ARHGEF28: variants seen among roughly 807,000 people sequenced by gnomAD.
ARHGEF28 encodes 190 kDa guanine nucleotide exchange factor.
ARHGEF28 carries 152 observed loss-of-function variants against 206.6 expected under a neutral mutation model. The observed-to-expected ratio is 0.74, with a 90% CI of 0.64 to 0.84. ARHGEF28 has a LOEUF of 0.84. Among genes scored for constraint, ARHGEF28 ranks in the 40% least tolerant of loss-of-function variants. The probability of loss-of-function intolerance (pLI) is 0.00; values close to 1 mark genes in which losing one functional copy is unlikely to be tolerated. For synonymous variants in ARHGEF28, 763 were observed against 776.4 expected, an observed-to-expected ratio of 0.98 and a Z score of 0.29; for missense variants, 2,028 against 2,073.2, an observed-to-expected ratio of 0.98 and a Z score of 0.42.
intron 4 of ARHGEF28, among the ~76,000 whole-genome samples, chr5:73,772,928 A>G (rs2112445473): frequency 6.6e-6 from 1 of 152,340 alleles, no homozygotes; most frequent in Non-Finnish European, 1.5e-5. Context: ...TGGAATAGTA[A>G]GATAGCGTTA....
At chr5:73,866,673 C>A (rs971254709) in intron 18 of ARHGEF28, among the ~76,000 whole-genome samples, 2 of 152,136 alleles carry the variant, frequency 1.3e-5, no homozygotes, top group African/African-American at 4.8e-5. Context: ...GTGTATATTG[C>A]TGAAATTTAA....
intron 9 of ARHGEF28, among the ~76,000 whole-genome samples, chr5:73,797,267 A>T (rs1307533212): frequency 7.7e-6 from 1 of 129,756 alleles, no homozygotes; most frequent in Non-Finnish European, 1.6e-5. Context: ...AGGAAATTAT[A>T]ACAGATTTTC....
rs777119849 is a variant in ARHGEF28, at chr5:73,885,831, G to C, written c.3056-19G>C. 6.3e-7 allele frequency: 1 copy of C among 1,589,552 alleles called. No individual in the cohort carries two copies. Among genetic ancestry groups the C allele is most frequent in the Non-Finnish European group, 8.5e-7 (1 of 1,171,346 alleles). The stretch of plus-strand genomic sequence containing the variant: ...TATTGTATAGTATTTTTGTTTGTTT[G>C]TTTCTTTTTCCCACGCAGAAAGAAC... On this transcript the variant is annotated intron_variant, in intron 24 of 35. Coordinates refer to ENST00000513042, the MANE Select transcript of ARHGEF28 (RefSeq NM_001177693.2).
chr5:73,846,247 C>A, intron 11 of ARHGEF28, 21 bp from the exon 12 acceptor site: 1 of 1,608,552 alleles, frequency 6.2e-7, no homozygotes, highest in Non-Finnish European at 8.5e-7. Flanking sequence ...TCTTTACTTA[C>A]TTGCTGGCTT....
At chr5:73,807,477 CA>C (rs1755579835) in intron 9 of ARHGEF28, among the ~76,000 whole-genome samples, 1 of 150,130 alleles carries the variant, frequency 6.7e-6, no homozygotes. Flanking sequence ...GAAGCTTTGA[CA>C]ATGTAATTCT....
intron 9 of ARHGEF28, among the ~76,000 whole-genome samples, chr5:73,797,822 G>A (rs1410560927): frequency 1.3e-5 from 2 of 152,196 alleles, no homozygotes; most frequent in Non-Finnish European, 2.9e-5. Flanking sequence ...GAATTGTGTG[G>A]TGTGGATGTG....
intron 22 of ARHGEF28, among the ~76,000 whole-genome samples, chr5:73,879,832 C>G (rs1006454974): frequency 2.0e-5 from 3 of 152,110 alleles, no homozygotes; most frequent in African/African-American, 7.2e-5. Flanking sequence ...TCAGTCTGCC[C>G]CTACTGGGGG....
chr5:73,872,885 T>A, intron 21 of ARHGEF28, 114 bp from the exon 22 acceptor site: 1 of 1,225,650 alleles, frequency 8.2e-7, no homozygotes, highest in South Asian at 1.6e-5. Context: ...TTGATATTCC[T>A]AAACATTTCT....
intron 7 of ARHGEF28, among the ~76,000 whole-genome samples, chr5:73,787,357 C>G (rs1754226406): frequency 6.6e-6 from 1 of 152,184 alleles, no homozygotes; most frequent in Admixed American, 6.5e-5. Flanking sequence ...ATACGCAGCC[C>G]TAGGAAATGA....
intron 9 of ARHGEF28, among the ~76,000 whole-genome samples, chr5:73,807,442 C>T (rs78291151): frequency 0.053 from 8,082 of 151,216 alleles, 286 homozygotes; most frequent in African/African-American, 0.096. Flanking sequence ...TAGAACATAT[C>T]TGTAGCAATA....
chr5:73,678,147 T>A (rs12522110), intron 1 of ARHGEF28, among the ~76,000 whole-genome samples: 59,480 of 152,090 alleles, frequency 0.39, 13,213 homozygotes, highest in East Asian at 0.68. Context: ...GAATATAAAA[T>A]TTTAAAATAT....
chr5:73,852,548 G>A lies in ARHGEF28; in HGVS notation c.1748-102G>A, dbSNP rs992685337. 8.4e-5 allele frequency: 79 copies of A among 941,920 alleles called. 1 individual carries two copies. Among genetic ancestry groups the A allele is most frequent in the Non-Finnish European group, 1.2e-4 (71 of 587,124 alleles). 58.3% of individuals were successfully genotyped at this position (941,920 alleles called of 1,614,324 possible). A position where few individuals can be genotyped will look rare whatever the true frequency, so the allele number is the denominator to read the frequency against. On this transcript the variant is annotated intron_variant, in intron 13 of 35. Coordinates refer to ENST00000513042, the MANE Select transcript of ARHGEF28 (RefSeq NM_001177693.2). ...TTTTCTCATTATTTTCTAGCTGGTA[G>A]TGTGTATAATGATACAATATGGTTG... is the stretch of plus-strand genomic sequence containing the variant.
intron 2 of ARHGEF28, among the ~76,000 whole-genome samples, chr5:73,743,615 T>C (rs546831131): frequency 1.3e-5 from 2 of 152,358 alleles, no homozygotes; most frequent in South Asian, 4.1e-4. Context: ...ATAATCTTGA[T>C]ATTTCAAATT....
Position 73,767,992 on chromosome 5 carries a change from C to T in ARHGEF28, c.476-5863C>T, listed in dbSNP as rs537109310. On this transcript the variant is annotated intron_variant, in intron 4 of 35. Transcript: ENST00000513042. ...AGCTGAAAGGAACCAACACAGAACTCGGGCCATGGCTTCTGAGGCTGCAAA... is the reference window on the plus strand; with the variant it reads ...AGCTGAAAGGAACCAACACAGAACTTGGGCCATGGCTTCTGAGGCTGCAAA... 1.4e-4 allele frequency among the ~76,000 whole-genome samples: 21 copies of T among 152,266 alleles called. No individual in the cohort carries two copies. The South Asian group carries it at 2.1e-3, about 15-fold the overall frequency.
chr5:73,812,954 G>C (rs1292706230), intron 9 of ARHGEF28, among the ~76,000 whole-genome samples: 1 of 152,048 alleles, frequency 6.6e-6, no homozygotes, highest in Non-Finnish European at 1.5e-5. Context: ...AATTATGAGA[G>C]CTGTTTTGGT....
intron 35 of ARHGEF28, among the ~76,000 whole-genome samples, chr5:73,917,819 C>T (rs1458617476): frequency 1.3e-5 from 2 of 152,222 alleles, no homozygotes; most frequent in East Asian, 1.9e-4. Context: ...AATACATGCA[C>T]ACATATACAC....
chr5:73,825,596 G>A (rs886901855), intron 9 of ARHGEF28, among the ~76,000 whole-genome samples: 19 of 152,186 alleles, frequency 1.2e-4, no homozygotes, highest in South Asian at 2.1e-4. Context: ...ATCCTGTGGC[G>A]AAAAGGCTAT....
chr5:73,900,000 ACCCAATAGTAGAAC>A (rs1283510248), intron 30 of ARHGEF28: 2 of 152,238 alleles, frequency 1.3e-5, no homozygotes, highest in African/African-American at 4.8e-5. Context: ...TAGGAATAGC[ACCCAATAGTAGAAC>A]CATTTTTCAA....
chr5:73,766,179 A>C (rs531520312), intron 4 of ARHGEF28, among the ~76,000 whole-genome samples: 2 of 152,046 alleles, frequency 1.3e-5, no homozygotes, highest in South Asian at 2.1e-4. Context: ...AAAAACAAAA[A>C]ACAAAACAAA....
Sources: allele counts gnomAD v4.1 joint callset (sites outside exome capture counted in the v4.1 genomes callset), GRCh38; gene constraint gnomAD v4.1.1; transcripts MANE v1.5; gene names NCBI Gene and HGNC (gene_info 2026-07-23, HGNC 2026-07-21).